SOX5: variants seen among roughly 807,000 people sequenced by gnomAD.
SOX5 encodes the protein SRY-box transcription factor 5.
SOX5 carries 9 observed loss-of-function variants against 92.0 expected under a neutral mutation model. The observed-to-expected ratio is 0.10, with a 90% CI of 0.06 to 0.17. The LOEUF (loss-of-function observed/expected upper bound fraction) is 0.17. Ranked by LOEUF, SOX5 falls within the 10% of genes least tolerant of loss-of-function variation. The pLI is 1.00. For missense variants in SOX5, 642 were observed against 944.5 expected (o/e 0.68, Z 4.20); for synonymous variants, 344 against 336.3 (o/e 1.02, Z -0.25).
intron 1 of SOX5, among the ~76,000 whole-genome samples, chr12:23,905,826 G>C (rs1311911014): frequency 6.6e-6 from 1 of 152,076 alleles, no homozygotes; most frequent in Non-Finnish European, 1.5e-5. Context: ...TTACAAGAAA[G>C]AGTATGGTAA....
intron 3 of SOX5, among the ~76,000 whole-genome samples, chr12:23,836,114 A>G (rs2096410207): frequency 6.6e-6 from 1 of 151,864 alleles, no homozygotes; most frequent in Non-Finnish European, 1.5e-5. Flanking sequence ...TTCAATACAT[A>G]ATTATATATT....
intron 7 of SOX5, among the ~76,000 whole-genome samples, chr12:23,665,180 C>T (rs1360943192): frequency 3.9e-5 from 6 of 152,018 alleles, no homozygotes; most frequent in African/African-American, 1.5e-4. Flanking sequence ...TAAAATGAAC[C>T]CACAAATTAC....
At chr12:24,343,769 G>A (rs1952857902) in intron 2 of SOX5, among the ~76,000 whole-genome samples, 1 of 152,090 alleles carries the variant, frequency 6.6e-6, no homozygotes. Context: ...TAAGAAGTTG[G>A]AGGGGCTGAT....
rs1348298224 is a variant in SOX5 at position 23,531,994 on chromosome 12, T to TAACA, written c.*2221_*2224dup. 2 of 150,924 alleles carry TAACA rather than the reference T, an allele frequency of 1.3e-5. No individual in the cohort carries two copies. Among genetic ancestry groups the TAACA allele is most frequent in the African/African-American group, 4.9e-5 (2 of 41,168 alleles). The allele number at this position is 150,924 out of a possible 1,614,324, so 9.3% of individuals were successfully genotyped here. ...GAGATGGAAATTTGTTTTAAATATC[T>TAACA]AACAGCTTATTGGCTGCACTTCCAA... On this transcript the variant is annotated 3_prime_UTR_variant, in exon 15 of 15. Coordinates refer to ENST00000451604, the MANE Select transcript of SOX5 (RefSeq NM_006940.6).
chr12:23,970,841 A>ATATATATATATATATATATATATT, intron 4 of SOX5, among the ~76,000 whole-genome samples: 3 of 21,882 alleles, frequency 1.4e-4, no homozygotes, highest in African/African-American at 1.2e-4. Flanking sequence ...TATATATATA[A>ATATATATATATATATATATATATT]TTTTTTTTTT....
At chr12:23,539,319 GAA>G (rs996288072) in intron 13 of SOX5, among the ~76,000 whole-genome samples, 7 of 152,166 alleles carry the variant, frequency 4.6e-5, no homozygotes, top group African/African-American at 1.7e-4. Context: ...AGTGAATACA[GAA>G]AGTTATAGTT....
intron 9 of SOX5, among the ~76,000 whole-genome samples, chr12:23,576,799 G>C (rs1489347198): frequency 6.6e-6 from 1 of 151,960 alleles, no homozygotes; most frequent in Non-Finnish European, 1.5e-5. Flanking sequence ...AATTGAAAAA[G>C]TTATTTTGTT....
chr12:24,354,659 G>T (rs568098974), intron 2 of SOX5, among the ~76,000 whole-genome samples: 1 of 152,278 alleles, frequency 6.6e-6, no homozygotes, highest in East Asian at 1.9e-4. Context: ...CAATATTTTA[G>T]GGGGCAAAAT....
At chr12:24,115,903 C>T (rs983865959) in intron 4 of SOX5, among the ~76,000 whole-genome samples, 1 of 151,768 alleles carries the variant, frequency 6.6e-6, no homozygotes, top group African/African-American at 2.4e-5. Context: ...ATGACAGAAA[C>T]TGGAAAATAG....
intron 2 of SOX5, among the ~76,000 whole-genome samples, chr12:24,321,678 T>C (rs1246997709): frequency 6.6e-6 from 1 of 152,234 alleles, no homozygotes; most frequent in East Asian, 1.9e-4. Context: ...ACAAGAAAAA[T>C]TGCAATATAC....
At chr12:24,414,605 A>G (rs1964690640) in intron 1 of SOX5, among the ~76,000 whole-genome samples, 1 of 152,186 alleles carries the variant, frequency 6.6e-6, no homozygotes, top group Non-Finnish European at 1.5e-5. Flanking sequence ...CCTGCCTCTC[A>G]CCCAGAGGTG....
In SOX5 at chr12:24,168,872, A is replaced by T. The variant is rs1033173550; in HGVS notation, c.-2+44471T>A. On this transcript the variant is annotated intron_variant, in intron 4 of 4. Transcript: ENST00000446891. Reference sequence around the variant, plus strand: ...CTTTTGTATGTATTTCTGTATGTGGATGCAAATGTGTCCATATAGATTATT... The same window carrying T: ...CTTTTGTATGTATTTCTGTATGTGGTTGCAAATGTGTCCATATAGATTATT... Among the ~76,000 whole-genome samples, 8 of 152,160 alleles carry T rather than the reference A, an allele frequency of 5.3e-5. 1 individual carries two copies. The highest frequency in any genetic ancestry group is 3.9e-4 in the Admixed American group (6 of 15,278).
At chr12:23,904,951 A>G (rs985474003) in intron 1 of SOX5, among the ~76,000 whole-genome samples, 2 of 152,180 alleles carry the variant, frequency 1.3e-5, no homozygotes, top group African/African-American at 2.4e-5. Context: ...TAGATGCGCA[A>G]AACAATGTAA....
intron 3 of SOX5, among the ~76,000 whole-genome samples, chr12:24,230,202 T>C (rs1257829467): frequency 6.6e-6 from 1 of 152,090 alleles, no homozygotes; most frequent in African/African-American, 2.4e-5. Flanking sequence ...GATCAAACAC[T>C]GGAGACGTCC....
At chr12:23,864,583 T>A (rs920735278) in intron 2 of SOX5, among the ~76,000 whole-genome samples, 2 of 152,124 alleles carry the variant, frequency 1.3e-5, no homozygotes, top group Non-Finnish European at 2.9e-5. Flanking sequence ...AATATAAAGT[T>A]GTATTGGTCT....
chr12:24,350,918 T>C (rs1953997925), intron 2 of SOX5, among the ~76,000 whole-genome samples: 1 of 152,036 alleles, frequency 6.6e-6, no homozygotes, highest in Admixed American at 6.6e-5. Flanking sequence ...CCGAGTATGA[T>C]GGTGCACACA....
chr12:23,672,758 T>C (rs572945061), intron 6 of SOX5, among the ~76,000 whole-genome samples: 1 of 152,304 alleles, frequency 6.6e-6, no homozygotes, highest in East Asian at 1.9e-4. Context: ...ATGATGTGTT[T>C]ATTGTTGGCA....
chr12:23,771,523 T>C (rs1022173186), intron 3 of SOX5, among the ~76,000 whole-genome samples: 5 of 152,252 alleles, frequency 3.3e-5, no homozygotes, highest in Admixed American at 2.6e-4. Flanking sequence ...TAACCAATTA[T>C]ACAACCGCTG....
In SOX5 at chr12:24,409,349, A is replaced by G. The variant is rs1224969174; in HGVS notation, c.-250-40710T>C. On this transcript the variant is annotated intron_variant, in intron 1 of 4. Coordinates refer to the SOX5 transcript ENST00000446891. ...AGAGCCTGCTGTGGGGTGGGGAGTG[A>G]GGGGAGGGAATTTAGAGGACAGGTC... Among the ~76,000 whole-genome samples the G allele has an allele frequency of 4.6e-5, 7 of 152,034 alleles. No homozygotes were observed. The East Asian group carries it at 1.3e-3, about 29-fold the overall frequency.
Sources: allele counts gnomAD v4.1 joint callset (sites outside exome capture counted in the v4.1 genomes callset), GRCh38; gene constraint gnomAD v4.1.1; transcripts MANE v1.5; gene names NCBI Gene and HGNC (gene_info 2026-07-23, HGNC 2026-07-21).